The following KCNJ6 variants were observed in gnomAD, a reference collection of about 807,000 sequenced individuals.
KCNJ6 encodes G protein-activated inward rectifier potassium channel 2.
In KCNJ6, 9 loss-of-function variants were observed where a neutral mutation model predicts 34.2. That is an observed-to-expected ratio of 0.26 (90% CI 0.16 to 0.46). The LOEUF is 0.46. Among genes scored for constraint, KCNJ6 ranks in the 20% least tolerant of loss-of-function variants. The pLI is 1.00. For synonymous variants in KCNJ6, 196 were observed against 207.1 expected (o/e 0.95, Z 0.46); for missense variants, 236 against 531.3 (o/e 0.44, Z 5.46).
chr21:37,728,733 T>C (rs1407792101), intron 2 of KCNJ6, among the ~76,000 whole-genome samples: 1 of 152,052 alleles, frequency 6.6e-6, no homozygotes, highest in Non-Finnish European at 1.5e-5. Flanking sequence ...AAAGCAGATG[T>C]AGAGAAAAGC....
chr21:37,849,449 A>G lies in KCNJ6; in HGVS notation c.-27-8740T>C, dbSNP rs12482294. Among the ~76,000 whole-genome samples, 835 of 152,300 alleles carry G rather than the reference A, an allele frequency of 5.5e-3. 6 individuals are homozygous for G. The highest frequency in any genetic ancestry group is 8.4e-3 in the Non-Finnish European group (570 of 68,020). ...ATCTCTATTTCCAAGAGGAAAGGGAACAGATGCCATATTAGTTCCTTTCTT... is the reference window on the plus strand; with the variant it reads ...ATCTCTATTTCCAAGAGGAAAGGGAGCAGATGCCATATTAGTTCCTTTCTT... On this transcript the variant is annotated intron_variant, in intron 1 of 3. Coordinates refer to ENST00000609713, the MANE Select transcript of KCNJ6 (RefSeq NM_002240.5).
At position 37,615,266 on chromosome 21, in the gene KCNJ6, T is replaced by A; in HGVS notation, c.*9893A>T. 1 of 95,522 alleles carries A rather than the reference T, an allele frequency of 1.0e-5. No homozygotes were observed. Among genetic ancestry groups the A allele is most frequent in the Non-Finnish European group, 2.2e-5 (1 of 45,714 alleles). The allele number at this position is 95,522 out of a possible 1,614,324, so 5.9% of individuals were successfully genotyped here. A position where few individuals can be genotyped will look rare whatever the true frequency, so the allele number is the denominator to read the frequency against. ...ATTCTTTTTTTTTTTTTTTTTTTTT[T>A]TTTTGAGACGGAGTCTCGCTCTGTC... is the stretch of plus-strand genomic sequence containing the variant. On this transcript the variant is annotated 3_prime_UTR_variant, in exon 4 of 4. Coordinates refer to ENST00000609713, the MANE Select transcript of KCNJ6 (RefSeq NM_002240.5).
At chr21:37,628,591 A>G (rs898562491) in intron 3 of KCNJ6, among the ~76,000 whole-genome samples, 1 of 152,166 alleles carries the variant, frequency 6.6e-6, no homozygotes, top group Non-Finnish European at 1.5e-5. Context: ...CCAGAAGGAG[A>G]GTATAAAGAG....
At chr21:37,647,441 A>G (rs1431644956) in intron 3 of KCNJ6, among the ~76,000 whole-genome samples, 1 of 152,070 alleles carries the variant, frequency 6.6e-6, no homozygotes, top group East Asian at 1.9e-4. Flanking sequence ...TGATCCTTTG[A>G]CATCTGAGGC....
rs766945630 is a variant in KCNJ6, at chr21:37,715,060, G to A, written c.97C>T (p.Pro33Ser). 2 of 1,614,180 alleles carry A rather than the reference G, an allele frequency of 1.2e-6. No homozygotes were observed. The highest frequency in any genetic ancestry group is 1.7e-6 in the Non-Finnish European group (2 of 1,180,026). The change falls in exon 3 of 4, where the codon CCT (proline) becomes TCT (serine). Residue 33 changes from proline (P) to serine (S), a missense_variant. Around this residue, in one of 5 missense-constraint regions of KCNJ6, gnomAD observed 64 missense variants for 68.9 expected, o/e 0.93. Transcript: ENST00000609713. ...SPVAIHQPKL[P>S]KQARDDLPRH... is the part of the protein sequence containing the mutation. ...GGCAGGTCATCCCTGGCCTGCTTAG[G>A]CAACTTTGGCTGGTGAATGGCCACT... is the stretch of plus-strand genomic sequence containing the variant.
chr21:37,907,571 T>C (rs1418578859), intron 1 of KCNJ6, among the ~76,000 whole-genome samples: 1 of 152,232 alleles, frequency 6.6e-6, no homozygotes. Flanking sequence ...GCTGTGTAAA[T>C]GCAGAGAAGA....
intron 3 of KCNJ6, among the ~76,000 whole-genome samples, chr21:37,681,917 CAGTT>C (rs2054592495): frequency 1.3e-5 from 2 of 152,174 alleles, no homozygotes; most frequent in South Asian, 2.1e-4. Context: ...ATGCTGGTCT[CAGTT>C]GGTTGCTGAA....
At position 37,613,141 on chromosome 21, in the gene KCNJ6, C is replaced by T. The variant is rs2054248901; in HGVS notation, c.*12018G>A. The T allele has an allele frequency of 6.6e-6, 1 of 152,124 alleles. No individual in the cohort carries two copies. Among genetic ancestry groups the T allele is most frequent in the South Asian group, 2.1e-4 (1 of 4,828 alleles). The allele number at this position is 152,124 out of a possible 1,614,324, so 9.4% of individuals were successfully genotyped here. A position where few individuals can be genotyped will look rare whatever the true frequency, so the allele number is the denominator to read the frequency against. ...AAAATGCCCAAAAGACCTGAACAGA[C>T]ACCTCACCAAAGAAGATGTACAGAT... On this transcript the variant is annotated 3_prime_UTR_variant, in exon 4 of 4. Coordinates refer to ENST00000609713, the MANE Select transcript of KCNJ6 (RefSeq NM_002240.5).
chr21:37,786,336 TGGCACTTGAACCCCA>T (rs1345829038), intron 2 of KCNJ6, among the ~76,000 whole-genome samples: 1 of 152,198 alleles, frequency 6.6e-6, no homozygotes, highest in Non-Finnish European at 1.5e-5. Flanking sequence ...TGACAGAGGT[TGGCACTTGAACCCCA>T]TGTGCTTCTT....
intron 2 of KCNJ6, among the ~76,000 whole-genome samples, chr21:37,718,715 A>T (rs2054807738): frequency 6.6e-6 from 1 of 152,210 alleles, no homozygotes; most frequent in African/African-American, 2.4e-5. Flanking sequence ...TACCTAATGT[A>T]AATGACAAGT....
Position 37,618,542 on chromosome 21 carries a change from T to C in KCNJ6, c.*6617A>G, listed in dbSNP as rs893024667. 3 of 152,210 alleles carry C rather than the reference T, an allele frequency of 2.0e-5. No homozygotes were observed. The highest frequency in any genetic ancestry group is 4.8e-5 in the African/African-American group (2 of 41,468). 9.4% of individuals were successfully genotyped at this position (152,210 alleles called of 1,614,324 possible). On this transcript the variant is annotated 3_prime_UTR_variant, in exon 4 of 4. Coordinates refer to ENST00000609713, the MANE Select transcript of KCNJ6 (RefSeq NM_002240.5). The stretch of plus-strand genomic sequence containing the variant: ...GGCTTAGTTGATATCACAGTATTGA[T>C]GATCGGTGTTAAAACAATGGGCACT...
chr21:37,763,500 T>A (rs1158835383), intron 2 of KCNJ6, among the ~76,000 whole-genome samples: 1 of 152,148 alleles, frequency 6.6e-6, no homozygotes, highest in Non-Finnish European at 1.5e-5. Context: ...CTGTGTGTCA[T>A]GAAGTCCTGT....
intron 1 of KCNJ6, among the ~76,000 whole-genome samples, chr21:37,854,365 T>C (rs1409650919): frequency 6.6e-6 from 1 of 152,004 alleles, no homozygotes; most frequent in African/African-American, 2.4e-5. Flanking sequence ...GATTAAATAA[T>C]GGAGAATATT....
chr21:37,832,841 C>A (rs1006199533), intron 2 of KCNJ6, among the ~76,000 whole-genome samples: 2 of 152,090 alleles, frequency 1.3e-5, no homozygotes, highest in African/African-American at 4.8e-5. Context: ...ATAGAGGCGT[C>A]TCTGGCAGTG....
chr21:37,875,393 C>T (rs1255747102), intron 1 of KCNJ6, among the ~76,000 whole-genome samples: 1 of 152,142 alleles, frequency 6.6e-6, no homozygotes, highest in Non-Finnish European at 1.5e-5. Flanking sequence ...CATCCTGCTT[C>T]CTCCTCCCCC....
chr21:37,799,886 G>A (rs975546456), intron 2 of KCNJ6, among the ~76,000 whole-genome samples: 6 of 152,082 alleles, frequency 3.9e-5, no homozygotes, highest in Non-Finnish European at 5.9e-5. Context: ...CTATTTTAAA[G>A]TTACAATTTT....
At chr21:37,775,745 T>G (rs867046224) in intron 2 of KCNJ6, among the ~76,000 whole-genome samples, 1 of 152,178 alleles carries the variant, frequency 6.6e-6, no homozygotes, top group Non-Finnish European at 1.5e-5. Flanking sequence ...GCTGTTTTGG[T>G]TACTGTAGCC....
chr21:37,697,450 T>C (rs1170653987), intron 3 of KCNJ6, among the ~76,000 whole-genome samples: 1 of 152,198 alleles, frequency 6.6e-6, no homozygotes, highest in Non-Finnish European at 1.5e-5. Context: ...AATGTGTGTT[T>C]TCCAGGGAAA....
At chr21:37,642,380 G>C (rs1601399791) in intron 3 of KCNJ6, among the ~76,000 whole-genome samples, 1 of 152,172 alleles carries the variant, frequency 6.6e-6, no homozygotes, top group Non-Finnish European at 1.5e-5. Context: ...GCAAAGGGCG[G>C]CAGAAGCCAC....
Sources: gnomAD v4.1 joint callset for allele counts (sites outside exome capture counted in the v4.1 genomes callset) on GRCh38, gnomAD v4.1.1 for gene constraint, gnomAD v4.1.1 regional missense constraint, MANE v1.5 for transcripts, NCBI Gene and HGNC (gene_info 2026-07-23, HGNC 2026-07-21) for gene names.